RMDN3: variants seen among roughly 807,000 people sequenced by gnomAD.
The protein encoded by RMDN3 is regulator of microtubule dynamics 3.
Under a neutral mutation model 61.8 loss-of-function variants are expected in RMDN3, and 41 were observed. The ratio of observed to expected loss-of-function variants is 0.66; its 90% confidence interval spans 0.52 to 0.86. RMDN3 has a LOEUF of 0.86. RMDN3 is among the 40% of genes least tolerant of loss of function. RMDN3 has a pLI of 0.00. For missense variants in RMDN3, 557 were observed against 585.3 expected (o/e 0.95, Z 0.50); for synonymous variants, 247 against 232.0 (o/e 1.06, Z -0.59).
intron 4 of RMDN3, among the ~76,000 whole-genome samples, chr15:40,750,026 G>A (rs1033088032): frequency 1.2e-4 from 19 of 152,052 alleles, no homozygotes; most frequent in Non-Finnish European, 7.4e-5. Context: ...GGGTGCATAC[G>A]ATTATAATGG....
chr15:40,752,118 G>A lies in RMDN3; in HGVS notation c.248C>T (p.Pro83Leu), dbSNP rs770791499. ...AGDASVLPSL[P>L]REGQEKVLDR... ...CAGCACCTTCTCCTGTCCTTCCCGTGGAAGGCTGGGCAGCACTGAGGCATC... is the reference window on the plus strand; with the variant it reads ...CAGCACCTTCTCCTGTCCTTCCCGTAGAAGGCTGGGCAGCACTGAGGCATC... The change falls in exon 3 of 13, where the codon CCA becomes CTA. Residue 83 changes from proline (P) to leucine (L), a missense_variant. Coordinates refer to ENST00000338376, the MANE Select transcript of RMDN3 (RefSeq NM_018145.3). 8 of 1,614,096 alleles carry A rather than the reference G, an allele frequency of 5.0e-6. No individual in the cohort carries two copies. In the Admixed American group the frequency reaches 6.7e-5, roughly 13 times the overall value.
At chr15:40,750,210 G>GTTT (rs10586666) in intron 4 of RMDN3, among the ~76,000 whole-genome samples, 34 of 89,702 alleles carry the variant, frequency 3.8e-4, no homozygotes, top group Admixed American at 6.0e-4. Flanking sequence ...TGCCCAGCTC[G>GTTT]TTTTTTTTTT....
chr15:40,749,947 C>T (rs1376298954), intron 4 of RMDN3, among the ~76,000 whole-genome samples: 1 of 152,158 alleles, frequency 6.6e-6, no homozygotes, highest in Non-Finnish European at 1.5e-5. Context: ...CTGGAGACCC[C>T]GGAGCACTCA....
At position 40,754,127 on chromosome 15, in the gene RMDN3, C is replaced by CTTT. The variant is rs71428308; in HGVS notation, c.187+467_187+469dup. Among the ~76,000 whole-genome samples, 120 of 123,826 alleles carry CTTT rather than the reference C, an allele frequency of 9.7e-4. 4 individuals carry two copies. Among genetic ancestry groups the CTTT allele is most frequent in the African/African-American group, 3.4e-3 (109 of 31,782 alleles). The allele number at this position is 123,826 out of a possible 152,430, so 81.2% of individuals were successfully genotyped here. A position where few individuals can be genotyped will look rare whatever the true frequency, so the allele number is the denominator to read the frequency against. ...GAAAGAGTAGAGAAAACCACGACTGCTTTTTTTTTTTTTTTTTTTTTGAGA... is the reference window on the plus strand; with the variant it reads ...GAAAGAGTAGAGAAAACCACGACTGCTTTTTTTTTTTTTTTTTTTTTTTTGAGA... On this transcript the variant is annotated intron_variant, in intron 2 of 12. Transcript: ENST00000338376.
chr15:40,753,994 C>A (rs1897931276), intron 2 of RMDN3, among the ~76,000 whole-genome samples: 1 of 152,206 alleles, frequency 6.6e-6, no homozygotes, highest in Non-Finnish European at 1.5e-5. Context: ...ACACACCTCA[C>A]CCAACACTAA....
intron 4 of RMDN3, among the ~76,000 whole-genome samples, chr15:40,749,057 A>C (rs1249769429): frequency 6.6e-6 from 1 of 151,518 alleles, no homozygotes; most frequent in Non-Finnish European, 1.5e-5. Context: ...GTGCCTGCCA[A>C]CATGCCTGGC....
At chr15:40,751,196 T>C (rs1897805637) in intron 4 of RMDN3, among the ~76,000 whole-genome samples, 1 of 152,254 alleles carries the variant, frequency 6.6e-6, no homozygotes, top group Non-Finnish European at 1.5e-5. Context: ...ATATCATAAC[T>C]ATGTAATAAA....
intron 4 of RMDN3, among the ~76,000 whole-genome samples, chr15:40,750,740 C>T (rs1295750119): frequency 6.6e-6 from 1 of 152,210 alleles, no homozygotes; most frequent in East Asian, 1.9e-4. Flanking sequence ...AAGGAGAAAT[C>T]GGCCTCTAGG....
At chr15:40,748,062 G>C (rs973746532) in intron 4 of RMDN3, among the ~76,000 whole-genome samples, 1 of 152,124 alleles carries the variant, frequency 6.6e-6, no homozygotes, top group Non-Finnish European at 1.5e-5. Flanking sequence ...AGCTGTGTTT[G>C]GTACAATGCC....
At chr15:40,737,469 T>C (rs2304580) in intron 10 of RMDN3, 128 bp from the exon 11 acceptor site, 226,504 of 1,145,010 alleles carry the variant, frequency 0.2, 31,774 homozygotes, top group East Asian at 0.7. Context: ...ACCTATATTT[T>C]TGATAAGCTG....
chr15:40,750,462 C>A (rs12438182), intron 4 of RMDN3, among the ~76,000 whole-genome samples: 21,381 of 151,824 alleles, frequency 0.14, 2,438 homozygotes, highest in East Asian at 0.51. Flanking sequence ...TCAGGTGATC[C>A]GCCCACCTTG....
intron 2 of RMDN3, among the ~76,000 whole-genome samples, chr15:40,753,512 C>CA (rs1016267304): frequency 4.7e-5 from 7 of 148,416 alleles, no homozygotes; most frequent in African/African-American, 1.0e-4. Context: ...GACTCCATCT[C>CA]AAAAAAAAGA....
rs1187377519 is a variant in RMDN3, at chr15:40,738,004, GT to G, written c.1085del (p.Asn362ThrfsTer18). The G allele has an allele frequency of 6.2e-7, 1 of 1,614,076 alleles. No homozygotes were observed. Among genetic ancestry groups the G allele is most frequent in the African/African-American group, 1.3e-5 (1 of 74,922 alleles). ...TGCCAAGAAGAAAGTGAGCCATGGG[GT>G]TTTCTGGCTGGAGAGCAATGGCTTT... ...VDKAIALQPE[N>X]PMAHFLLGRW... is the part of the protein sequence containing the mutation. On this transcript the variant is annotated frameshift_variant, in exon 9 of 13. Transcript: ENST00000338376. LOFTEE classifies it high-confidence loss of function.
In RMDN3 at chr15:40,751,507, C is replaced by T; in HGVS notation, c.443G>A (p.Arg148Lys). 1 of 1,614,190 alleles carries T rather than the reference C, an allele frequency of 6.2e-7. No individual in the cohort carries two copies. The highest frequency in any genetic ancestry group is 1.3e-5 in the African/African-American group (1 of 75,058). ...AGAGCTGGAGCCAGTGGAGTCACTC[C>T]TCTCCCGGACAAACGGAAACCTTCG... ...RRRRFPFVRE[R>K]SDSTGSSSVY... Residue 148 changes from arginine (R) to lysine (K), a missense_variant, in exon 4 of 13, where the codon AGG becomes AAG. By Grantham distance (26) the Arg-to-Lys change is conservative (BLOSUM62 2). Transcript: ENST00000338376.
chr15:40,743,417 T>TA lies in RMDN3; in HGVS notation c.910+629dup, dbSNP rs11300441. Among the ~76,000 whole-genome samples the TA allele has an allele frequency of 7.3e-3, 1,063 of 144,746 alleles. 17 individuals carry two copies. Among genetic ancestry groups the TA allele is most frequent in the African/African-American group, 0.024 (943 of 39,658 alleles). 95.0% of individuals were successfully genotyped at this position (144,746 alleles called of 152,430 possible). The stretch of plus-strand genomic sequence containing the variant: ...GCCTGGGCAACAGAGAAAGACTGTT[T>TA]AAAAAAAAAAAAAAAATAGATATTA... On this transcript the variant is annotated intron_variant, in intron 6 of 12. Transcript: ENST00000338376.
At chr15:40,738,759 T>G (rs1897166233) in intron 7 of RMDN3, 183 bp from the exon 8 acceptor site, 1 of 618,478 alleles carries the variant, frequency 1.6e-6, no homozygotes, top group African/African-American at 1.8e-5. Context: ...CCAATTAGTA[T>G]TCTTTAGTAG....
In RMDN3 at chr15:40,752,090, G is replaced by T; in HGVS notation, c.276C>A (p.Asp92Glu). Residue 92 changes from aspartate to glutamate, a missense_variant, in exon 3 of 13, where the codon GAC (aspartate) becomes GAA (glutamate). By Grantham distance (45) the Asp-to-Glu change is conservative. Coordinates refer to ENST00000338376, the MANE Select transcript of RMDN3 (RefSeq NM_018145.3). ...GGCTGGTCAGCACAAAGTCCAGGCG[G>T]TCCAGCACCTTCTCCTGTCCTTCCC... ...LPREGQEKVL[D>E]RLDFVLTSLV... 1 of 1,614,236 alleles carries T rather than the reference G, an allele frequency of 6.2e-7. No individual in the cohort carries two copies. The highest frequency in any genetic ancestry group is 8.5e-7 in the Non-Finnish European group (1 of 1,180,044).
At position 40,735,994 on chromosome 15, in the gene RMDN3, A is replaced by G. The variant is rs1365520051; in HGVS notation, c.*547T>C. 1.3e-5 allele frequency: 2 copies of G among 152,232 alleles called. No homozygotes were observed. Among genetic ancestry groups the G allele is most frequent in the Admixed American group, 6.6e-5 (1 of 15,266 alleles). 9.4% of individuals were successfully genotyped at this position (152,232 alleles called of 1,614,324 possible). On this transcript the variant is annotated 3_prime_UTR_variant, in exon 13 of 13. Transcript: ENST00000338376. ...ACCCCATACCACTGCTGTCATTCCAAAAGCTGCCAGGACACTGGAAGTTAT... is the reference window on the plus strand; with the variant it reads ...ACCCCATACCACTGCTGTCATTCCAGAAGCTGCCAGGACACTGGAAGTTAT...
At chr15:40,743,420 A>G (rs1897360129) in intron 6 of RMDN3, among the ~76,000 whole-genome samples, 1 of 141,586 alleles carries the variant, frequency 7.1e-6, no homozygotes, top group African/African-American at 3.0e-5. Flanking sequence ...GACTGTTTAA[A>G]AAAAAAAAAA....
Sources: allele counts gnomAD v4.1 joint callset (sites outside exome capture counted in the v4.1 genomes callset), GRCh38; gene constraint gnomAD v4.1.1; transcripts MANE v1.5; gene names NCBI Gene and HGNC (gene_info 2026-07-23, HGNC 2026-07-21).